The following DSC2 variants were observed in gnomAD, a reference collection of about 807,000 sequenced individuals.
DSC2 encodes desmocollin-2.
In DSC2, 51 loss-of-function variants were observed where a neutral mutation model predicts 87.6. That is an observed-to-expected ratio of 0.58 (90% confidence interval 0.46 to 0.74). The LOEUF is 0.74. Ranked by LOEUF, DSC2 falls within the 30% of genes least tolerant of loss-of-function variation. The pLI is 0.00. For missense variants in DSC2, 1,066 were observed against 1,089.5 expected, an observed-to-expected ratio of 0.98 and a Z score of 0.30; for synonymous variants, 383 against 393.2, an observed-to-expected ratio of 0.97 and a Z score of 0.31.
chr18:31,075,859 A>C (rs905674208), intron 11 of DSC2, among the ~76,000 whole-genome samples: 2 of 151,886 alleles, frequency 1.3e-5, no homozygotes, highest in Non-Finnish European at 2.9e-5. Context: ...TCAAAACGAA[A>C]AAAAGAAAGA....
chr18:31,092,539 T>C (rs1009851216), intron 2 of DSC2, among the ~76,000 whole-genome samples: 8 of 152,200 alleles, frequency 5.3e-5, no homozygotes, highest in Non-Finnish European at 8.8e-5. Flanking sequence ...AGTAAACATA[T>C]GTGAGCTCCA....
chr18:31,073,335 C>T (rs750283952), intron 12 of DSC2, among the ~76,000 whole-genome samples: 10 of 151,052 alleles, frequency 6.6e-5, no homozygotes, highest in Middle Eastern at 3.4e-3. Context: ...TCTTCCTCCC[C>T]ACCCCAAAAT....
intron 9 of DSC2, among the ~76,000 whole-genome samples, chr18:31,081,506 G>C (rs1363197291): frequency 6.6e-6 from 1 of 152,098 alleles, no homozygotes; most frequent in Non-Finnish European, 1.5e-5. Context: ...TTTTAAAATA[G>C]AGAAAATAAT....
intron 8 of DSC2, 77 bp from the exon 9 acceptor site, chr18:31,082,500 C>G: frequency 7.7e-7 from 1 of 1,306,962 alleles, no homozygotes; most frequent in Admixed American, 1.8e-5. Context: ...GTAAATCCTA[C>G]TCTTCTAATT....
In DSC2 at chr18:31,067,906, G is replaced by A; in HGVS notation, c.*109C>T. 1.0e-6 allele frequency: 1 copy of A among 971,030 alleles called. No homozygotes were observed. The highest frequency in any genetic ancestry group is 2.6e-5 in the East Asian group (1 of 38,470). 60.2% of individuals were successfully genotyped at this position (971,030 alleles called of 1,614,324 possible). A position where few individuals can be genotyped will look rare whatever the true frequency, so the allele number is the denominator to read the frequency against. On this transcript the variant is annotated 3_prime_UTR_variant, in exon 16 of 16. Transcript: ENST00000280904. The stretch of plus-strand genomic sequence containing the variant: ...ACCAAAGAGATTCCATCCAAATAAT[G>A]AGAGAAAAACCCCCACAAATAGCAT...
rs1986494569 is a variant in DSC2, at chr18:31,061,211, C to T, written c.*6804G>A. On this transcript the variant is annotated 3_prime_UTR_variant, in exon 16 of 16. Coordinates refer to ENST00000280904, the MANE Select transcript of DSC2 (RefSeq NM_024422.6). ...ACAAGCGAATATATCAGCAAGTTTG[C>T]CTTCATATTTGTTAACTGAAAAGCA... The T allele has an allele frequency of 6.6e-6, 1 of 152,178 alleles. No individual in the cohort carries two copies. Among genetic ancestry groups the T allele is most frequent in the Admixed American group, 6.6e-5 (1 of 15,264 alleles). 9.4% of individuals were successfully genotyped at this position (152,178 alleles called of 1,614,324 possible).
Position 31,099,671 on chromosome 18 carries a change from T to C in DSC2, c.69+2232A>G, listed in dbSNP as rs369307279. 5.9e-5 allele frequency among the ~76,000 whole-genome samples: 9 copies of C among 152,068 alleles called. No homozygotes were observed. The East Asian group carries it at 1.4e-3, about 23-fold the overall frequency. ...GTGGAACCATATAAAGAATGAGTCA[T>C]TTGGATTTAGCACAGGAGAGCCAGT... On this transcript the variant is annotated intron_variant, in intron 1 of 15. Transcript: ENST00000280904.
chr18:31,080,140 T>G lies in DSC2; in HGVS notation c.1476A>C (p.Gly492=). 6.2e-7 allele frequency: 1 copy of G among 1,614,142 alleles called. No homozygotes were observed. Among genetic ancestry groups the G allele is most frequent in the South Asian group, 1.1e-5 (1 of 91,082 alleles). Residue 492 remains glycine, a synonymous_variant, in exon 10 of 16, where the codon GGA becomes GGC. Coordinates refer to ENST00000280904, the MANE Select transcript of DSC2 (RefSeq NM_024422.6). ...ENAEVGTTSN[G]YKAYDPETRS... ...TTGTTTCTGGGTCATATGCTTTATA[T>G]CCATTGCTTGTTGTTCCCACTTCTG...
chr18:31,071,578 G>C, intron 13 of DSC2, 27 bp downstream of exon 13: 1 of 1,595,232 alleles, frequency 6.3e-7, no homozygotes, highest in African/African-American at 1.3e-5. Context: ...GGTATTATTT[G>C]AATTCAAGAA....
At chr18:31,076,718 AACATGGCTTTTCAG>A (rs566962832) in intron 11 of DSC2, among the ~76,000 whole-genome samples, 2 of 152,224 alleles carry the variant, frequency 1.3e-5, no homozygotes, top group Non-Finnish European at 2.9e-5. Context: ...ATTAAAGAAA[AACATGGCTTTTCAG>A]ATTGAAAGTA....
Position 31,082,377 on chromosome 18 carries a change from C to T in DSC2, c.1124G>A (p.Arg375Gln), listed in dbSNP as rs770412621. ...EENTVDVEIL[R>Q]VTVEDKDLVN... is the part of the protein sequence containing the mutation. ...TAAGTCCTTATCCTCAACAGTAACT[C>T]GTAAGATTTCCACATCAACTGTATT... is the stretch of plus-strand genomic sequence containing the variant. The change falls in exon 9 of 16, where the codon CGA becomes CAA. Residue 375 changes from arginine (R) to glutamine (Q), a missense_variant. By Grantham distance (43) the Arg-to-Gln change is conservative. Coordinates refer to ENST00000280904, the MANE Select transcript of DSC2 (RefSeq NM_024422.6). The T allele has an allele frequency of 4.3e-6, 7 of 1,613,618 alleles. No individual in the cohort carries two copies. Among genetic ancestry groups the T allele is most frequent in the Admixed American group, 3.3e-5 (2 of 59,978 alleles).
chr18:31,082,850 G>A (rs1361023592), intron 8 of DSC2, 76 bp downstream of exon 8: 11 of 1,537,302 alleles, frequency 7.2e-6, no homozygotes, highest in African/African-American at 2.7e-5. Flanking sequence ...GAGCCACTGC[G>A]CCAGGCCAGA....
At position 31,078,842 on chromosome 18, in the gene DSC2, A is replaced by T. The variant is rs138201093; in HGVS notation, c.1663+1005T>A. 5.9e-4 allele frequency among the ~76,000 whole-genome samples: 90 copies of T among 152,306 alleles called. No homozygotes were observed. The East Asian group carries it at 0.012, about 20-fold the overall frequency. On this transcript the variant is annotated intron_variant, in intron 11 of 15. Coordinates refer to ENST00000280904, the MANE Select transcript of DSC2 (RefSeq NM_024422.6). ...TATTTTACAAAGACATAAAGTTCAA[A>T]TTCATGTTATAGAAATTATATTTTA...
chr18:31,082,893 T>A, intron 8 of DSC2, 33 bp downstream of exon 8: 1 of 1,608,586 alleles, frequency 6.2e-7, no homozygotes, highest in East Asian at 2.2e-5. Flanking sequence ...AACTGGTCTA[T>A]ACATTTTTCT....
Position 31,071,775 on chromosome 18 carries a change from A to T in DSC2, c.1955T>A (p.Val652Glu). 6.2e-7 allele frequency: 1 copy of T among 1,614,012 alleles called. No individual in the cohort carries two copies. Among genetic ancestry groups the T allele is most frequent in the Non-Finnish European group, 8.5e-7 (1 of 1,179,950 alleles). ...ACTAGACATGCCAAGTCTATCTCTC[A>T]CTGTTATAGGTACTACATATGAGCC... ...PFGSYVVPIT[V>E]RDRLGMSSVT... is the part of the protein sequence containing the mutation. Residue 652 changes from valine to glutamate, a missense_variant, in exon 13 of 16, where the codon GTG becomes GAG. Transcript: ENST00000280904.
In DSC2 at chr18:31,067,922, C is replaced by A. The variant is rs1046878295; in HGVS notation, c.*93G>T. 9 of 1,182,794 alleles carry A rather than the reference C, an allele frequency of 7.6e-6. No homozygotes were observed. Among genetic ancestry groups the A allele is most frequent in the Middle Eastern group, 2.3e-4 (1 of 4,278 alleles). 73.3% of individuals were successfully genotyped at this position (1,182,794 alleles called of 1,614,324 possible). On this transcript the variant is annotated 3_prime_UTR_variant, in exon 16 of 16. Coordinates refer to ENST00000280904, the MANE Select transcript of DSC2 (RefSeq NM_024422.6). ...CCAAATAATGAGAGAAAAACCCCCA[C>A]AAATAGCATCTTCTGCTTTAAAAAA...
chr18:31,093,848 TTTATAA>T (rs1171228586), intron 1 of DSC2, among the ~76,000 whole-genome samples: 1 of 149,764 alleles, frequency 6.7e-6, no homozygotes, highest in Non-Finnish European at 1.5e-5. Flanking sequence ...TGAATTTATA[TTTATAA>T]TTATATGTGA....
chr18:31,061,159 G>A lies in DSC2; in HGVS notation c.*6856C>T, dbSNP rs1183669649. The A allele has an allele frequency of 6.6e-6, 1 of 152,180 alleles. No individual in the cohort carries two copies. The highest frequency in any genetic ancestry group is 6.5e-5 in the Admixed American group (1 of 15,274). 9.4% of individuals were successfully genotyped at this position (152,180 alleles called of 1,614,324 possible). A position where few individuals can be genotyped will look rare whatever the true frequency, so the allele number is the denominator to read the frequency against. ...CACCAGGGTGATTCTGATGCTGATG[G>A]TCAGTGAAACACACTCTAAAAATTA... On this transcript the variant is annotated 3_prime_UTR_variant, in exon 16 of 16. Transcript: ENST00000280904.
At position 31,102,132 on chromosome 18, in the gene DSC2, T is replaced by C; in HGVS notation, c.-161A>G. 1.8e-6 allele frequency: 1 copy of C among 557,070 alleles called. No homozygotes were observed. 34.5% of individuals were successfully genotyped at this position (557,070 alleles called of 1,614,324 possible). On this transcript the variant is annotated 5_prime_UTR_variant, in exon 1 of 16. Coordinates refer to ENST00000280904, the MANE Select transcript of DSC2 (RefSeq NM_024422.6). ...GGAGAGGTGCTTTTCTTAGCTTCTC[T>C]GAAGCGCCTGCCTCTCATCCAAGGG...
Sources: gnomAD v4.1 joint callset for allele counts (sites outside exome capture counted in the v4.1 genomes callset) on GRCh38, gnomAD v4.1.1 for gene constraint, MANE v1.5 for transcripts, NCBI Gene and HGNC (gene_info 2026-07-23, HGNC 2026-07-21) for gene names.